Variants in CDYL2 observed in about 807,000 individuals in gnomAD.
The protein encoded by CDYL2 is chromodomain Y like 2.
In CDYL2, 23 loss-of-function variants were observed where a neutral mutation model predicts 49.4. The ratio of observed to expected loss-of-function variants is 0.47; its 90% confidence interval spans 0.34 to 0.66. The LOEUF is 0.66. CDYL2 is among the 30% of genes least tolerant of loss of function. The probability of loss-of-function intolerance (pLI) is 0.01; values close to 1 mark genes in which losing one functional copy is unlikely to be tolerated. For synonymous variants in CDYL2, 360 were observed against 268.8 expected (o/e 1.34, Z -3.32); for missense variants, 678 against 656.4 (o/e 1.03, Z -0.36).
chr16:80,783,165 A>G (rs368494027), intron 1 of CDYL2, among the ~76,000 whole-genome samples: 89 of 152,326 alleles, frequency 5.8e-4, no homozygotes, highest in African/African-American at 2.0e-3. Flanking sequence ...CAACAATTCA[A>G]CAACAAAAAA....
chr16:80,662,255 G>A (rs1909077182), intron 2 of CDYL2, among the ~76,000 whole-genome samples: 1 of 152,176 alleles, frequency 6.6e-6, no homozygotes, highest in South Asian at 2.1e-4. Context: ...TGAGTGCTAT[G>A]AATTTTCCTT....
At chr16:80,619,200 G>C (rs1230758796) in intron 4 of CDYL2, among the ~76,000 whole-genome samples, 3 of 152,090 alleles carry the variant, frequency 2.0e-5, no homozygotes, top group African/African-American at 4.8e-5. Flanking sequence ...TCTGCGTCTG[G>C]AGCCCACACT....
In CDYL2 at chr16:80,633,767, C is replaced by T. The variant is rs1490099927; in HGVS notation, c.617-531G>A. On this transcript the variant is annotated intron_variant, in intron 2 of 6. Transcript: ENST00000570137. The stretch of plus-strand genomic sequence containing the variant: ...GCCTTGAGATGAGAGGGGTGAATAC[C>T]AAGCAGGCAGTATCCTTAGGTCTCT... 2.0e-5 allele frequency among the ~76,000 whole-genome samples: 3 copies of T among 152,262 alleles called. No individual in the cohort carries two copies. In the East Asian group the frequency reaches 5.8e-4, roughly 29 times the overall value.
rs1321240662 is a variant in CDYL2, at chr16:80,804,200, G to A, written c.-27C>T. On this transcript the variant is annotated 5_prime_UTR_variant, in exon 1 of 7. Transcript: ENST00000570137. Reference sequence around the variant, plus strand: ...CCAGGCTGCGGAACTTGGCTCGCCGGTGTGCGCGTCTGCTCGCTCGCGCCC... The same window carrying A: ...CCAGGCTGCGGAACTTGGCTCGCCGATGTGCGCGTCTGCTCGCTCGCGCCC... 5 of 1,339,580 alleles carry A rather than the reference G, an allele frequency of 3.7e-6. No homozygotes were observed. The highest frequency in any genetic ancestry group is 4.9e-6 in the Non-Finnish European group (5 of 1,017,812). The allele number at this position is 1,339,580 out of a possible 1,614,324, so 83.0% of individuals were successfully genotyped here.
intron 2 of CDYL2, among the ~76,000 whole-genome samples, chr16:80,675,495 A>T (rs1477939639): frequency 6.6e-6 from 1 of 152,146 alleles, no homozygotes; most frequent in Non-Finnish European, 1.5e-5. Context: ...TACCATCACC[A>T]CCACCACCAC....
intron 1 of CDYL2, among the ~76,000 whole-genome samples, chr16:80,793,006 CA>C (rs1294240976): frequency 6.6e-6 from 1 of 152,206 alleles, no homozygotes; most frequent in African/African-American, 2.4e-5. Context: ...GTTGTAACCT[CA>C]ATGCAGAGCA....
chr16:80,762,818 C>A (rs1254631563), intron 1 of CDYL2, among the ~76,000 whole-genome samples: 1 of 152,038 alleles, frequency 6.6e-6, no homozygotes, highest in Non-Finnish European at 1.5e-5. Context: ...CTTTCTGCTC[C>A]CTGGTGTCCC....
Position 80,601,100 on chromosome 16 carries a change from T to C in CDYL2, c.*3288A>G, listed in dbSNP as rs1906061799. The C allele has an allele frequency of 6.6e-6, 1 of 152,222 alleles. No individual in the cohort carries two copies. The highest frequency in any genetic ancestry group is 2.4e-5 in the African/African-American group (1 of 41,464). The allele number at this position is 152,222 out of a possible 1,614,324, so 9.4% of individuals were successfully genotyped here. ...GGCTGTTACCCAGACATTATTTCTA[T>C]GCCGGAAGGGGCACATTAAGTACAT... On this transcript the variant is annotated 3_prime_UTR_variant, in exon 7 of 7. Transcript: ENST00000570137.
At chr16:80,707,652 C>G (rs1196951079) in intron 1 of CDYL2, among the ~76,000 whole-genome samples, 1 of 152,152 alleles carries the variant, frequency 6.6e-6, no homozygotes, top group African/African-American at 2.4e-5. Flanking sequence ...TTGGTGGTGT[C>G]TTTCTGAGTG....
At chr16:80,616,989 G>T (rs1194389966) in intron 4 of CDYL2, among the ~76,000 whole-genome samples, 2 of 152,140 alleles carry the variant, frequency 1.3e-5, no homozygotes, top group African/African-American at 2.4e-5. Context: ...CTGCTTCCAG[G>T]GGCCATGTGG....
intron 1 of CDYL2, among the ~76,000 whole-genome samples, chr16:80,702,292 G>T (rs1904305802): frequency 6.6e-6 from 1 of 151,572 alleles, no homozygotes; most frequent in Non-Finnish European, 1.5e-5. Flanking sequence ...GACATCCCAT[G>T]TTCAAAATAA....
At chr16:80,734,947 C>T (rs1905465368) in intron 1 of CDYL2, among the ~76,000 whole-genome samples, 1 of 152,182 alleles carries the variant, frequency 6.6e-6, no homozygotes. Flanking sequence ...CAAAGGCTTC[C>T]CAGTGATCCC....
At chr16:80,739,002 C>T (rs143228767) in intron 1 of CDYL2, among the ~76,000 whole-genome samples, 2 of 152,154 alleles carry the variant, frequency 1.3e-5, no homozygotes, top group African/African-American at 2.4e-5. Context: ...GTGGAAGCAA[C>T]CCGATTTTCC....
At position 80,662,801 on chromosome 16, in the gene CDYL2, A is replaced by C. The variant is rs1909101392; in HGVS notation, c.616+21737T>G. 5 of 454,930 alleles carry C rather than the reference A, an allele frequency of 1.1e-5. No homozygotes were observed. The Middle Eastern group carries it at 9.7e-4, about 88-fold the overall frequency. The allele number at this position is 454,930 out of a possible 1,614,324, so 28.2% of individuals were successfully genotyped here. A position where few individuals can be genotyped will look rare whatever the true frequency, so the allele number is the denominator to read the frequency against. ...GTGAAGGGAATCACACTGTAGGAAA[A>C]TCATCATGGATACCTTCCACATCTT... On this transcript the variant is annotated intron_variant, in intron 2 of 6. Coordinates refer to ENST00000570137, the MANE Select transcript of CDYL2 (RefSeq NM_152342.4).
rs148077763 is a variant in CDYL2 at position 80,671,125 on chromosome 16, C to A, written c.616+13413G>T. Among the ~76,000 whole-genome samples the A allele has an allele frequency of 7.6e-4, 116 of 152,264 alleles. No homozygotes were observed. In the East Asian group the frequency reaches 0.016, roughly 21 times the overall value. On this transcript the variant is annotated intron_variant, in intron 2 of 6. Coordinates refer to ENST00000570137, the MANE Select transcript of CDYL2 (RefSeq NM_152342.4). The stretch of plus-strand genomic sequence containing the variant: ...TTTCTTTGATGTTTCTCTGGAGTCA[C>A]CCACACCCTGGGCTCCTTATTAATA...
At chr16:80,625,751 G>A (rs751665331) in intron 3 of CDYL2, among the ~76,000 whole-genome samples, 6 of 152,118 alleles carry the variant, frequency 3.9e-5, no homozygotes, top group Admixed American at 1.3e-4. Context: ...ATATTTAACC[G>A]GAGGCAAATT....
chr16:80,614,294 T>C (rs1200979706), intron 4 of CDYL2, among the ~76,000 whole-genome samples: 2 of 152,224 alleles, frequency 1.3e-5, no homozygotes, highest in Non-Finnish European at 2.9e-5. Flanking sequence ...AGTCACCAAG[T>C]GCTGGCCAAA....
intron 6 of CDYL2, among the ~76,000 whole-genome samples, chr16:80,607,849 T>A (rs1001138881): frequency 6.6e-6 from 1 of 152,208 alleles, no homozygotes; most frequent in Non-Finnish European, 1.5e-5. Flanking sequence ...TACCCTAGAG[T>A]ATCCATCTCT....
intron 3 of CDYL2, among the ~76,000 whole-genome samples, chr16:80,625,525 G>T (rs1907262903): frequency 6.6e-6 from 1 of 152,220 alleles, no homozygotes; most frequent in South Asian, 2.1e-4. Flanking sequence ...CATAGTCATA[G>T]ATTCTGGAGA....
Sources: gnomAD v4.1 joint callset for allele counts (sites outside exome capture counted in the v4.1 genomes callset) on GRCh38, gnomAD v4.1.1 for gene constraint, MANE v1.5 for transcripts, NCBI Gene and HGNC (gene_info 2026-07-23, HGNC 2026-07-21) for gene names.